XIRP2: variants seen among roughly 807,000 people sequenced by gnomAD.
The protein encoded by XIRP2 is xin actin binding repeat containing 2, also known as xin actin-binding repeat-containing protein 2.
A neutral mutation model predicts 277.0 loss-of-function variants in XIRP2; 236 were observed. That is an observed-to-expected ratio of 0.85 (90% confidence interval 0.77 to 0.95). XIRP2 has a LOEUF of 0.95. XIRP2 is among the 40% of genes least tolerant of loss of function. The pLI is 0.00. For missense variants in XIRP2, 4,640 were observed against 4,157.5 expected (o/e 1.12, Z -3.19); for synonymous variants, 1,490 against 1,416.5 (o/e 1.05, Z -1.17).
At chr2:166,988,149 CAT>C (rs1169934402) in intron 2 of XIRP2, among the ~76,000 whole-genome samples, 4 of 152,160 alleles carry the variant, frequency 2.6e-5, no homozygotes, top group East Asian at 1.9e-4. Flanking sequence ...AGTAATAAGA[CAT>C]GTGGATATCA....
At chr2:166,912,773 G>C (rs1229592268) in intron 2 of XIRP2, among the ~76,000 whole-genome samples, 2 of 152,206 alleles carry the variant, frequency 1.3e-5, no homozygotes, top group Non-Finnish European at 2.9e-5. Context: ...GTGACATACA[G>C]ATGGGGATTT....
At chr2:166,899,148 T>C (rs1684314578) in intron 1 of XIRP2, among the ~76,000 whole-genome samples, 1 of 152,164 alleles carries the variant, frequency 6.6e-6, no homozygotes, top group Admixed American at 6.6e-5. Context: ...GATTTAGCTA[T>C]AGTGTTTTGT....
At chr2:167,116,581 C>T (rs1359468918) in intron 2 of XIRP2, among the ~76,000 whole-genome samples, 2 of 152,132 alleles carry the variant, frequency 1.3e-5, no homozygotes, top group African/African-American at 4.8e-5. Context: ...TCAACTTTTC[C>T]ACATTCCCTT....
intron 2 of XIRP2, among the ~76,000 whole-genome samples, chr2:167,126,531 G>T (rs1461972872): frequency 6.6e-6 from 1 of 152,144 alleles, no homozygotes; most frequent in Non-Finnish European, 1.5e-5. Context: ...GGCATGATTT[G>T]TCCTTATTTT....
Position 167,140,524 on chromosome 2 carries a change from T to C in XIRP2, c.562+4462T>C, listed in dbSNP as rs115409494. 7.2e-3 allele frequency among the ~76,000 whole-genome samples: 1,099 copies of C among 152,280 alleles called. 15 individuals are homozygous for C. Among genetic ancestry groups the C allele is most frequent in the African/African-American group, 0.025 (1,039 of 41,564 alleles). On this transcript the variant is annotated intron_variant, in intron 3 of 10. Transcript: ENST00000409195. ...TTTGCTCTGCCTGAACTGTCCCCTC[T>C]AACGAGACTCAGAGGACAGGCTTTT...
intron 3 of XIRP2, among the ~76,000 whole-genome samples, chr2:167,183,496 AG>A (rs1363441115): frequency 3.9e-5 from 6 of 152,170 alleles, no homozygotes; most frequent in African/African-American, 1.4e-4. Flanking sequence ...CCAGATTAAA[AG>A]TTTTGTATTT....
intron 2 of XIRP2, among the ~76,000 whole-genome samples, chr2:167,074,646 G>A (rs1382143971): frequency 1.3e-5 from 2 of 151,966 alleles, no homozygotes; most frequent in East Asian, 3.9e-4. Flanking sequence ...GTGTGTGTGT[G>A]TGTGTGTTTG....
chr2:167,249,738 A>G lies in XIRP2; in HGVS notation c.8346A>G (p.Val2782=). Residue 2782 remains valine, a synonymous_variant, in exon 9 of 11, where the codon GTA becomes GTG. Transcript: ENST00000409195. Reference sequence around the variant, plus strand: ...CTAAGAAGGAGAAAAGAGTGACAGTACAATTGCCTACAGAATCCATACAGA... The same window carrying G: ...CTAAGAAGGAGAAAAGAGTGACAGTGCAATTGCCTACAGAATCCATACAGA... ...QLPKKEKRVT[V]QLPTESIQKN... The G allele has an allele frequency of 6.2e-7, 1 of 1,613,416 alleles. No homozygotes were observed. Among genetic ancestry groups the G allele is most frequent in the Non-Finnish European group, 8.5e-7 (1 of 1,179,734 alleles).
intron 3 of XIRP2, among the ~76,000 whole-genome samples, chr2:167,182,634 T>C (rs1261616427): frequency 1.3e-5 from 2 of 152,214 alleles, no homozygotes; most frequent in East Asian, 3.8e-4. Flanking sequence ...TTGCTGATTA[T>C]TAACTTTTGT....
intron 3 of XIRP2, among the ~76,000 whole-genome samples, chr2:167,174,389 A>G (rs551387160): frequency 2.0e-5 from 3 of 151,964 alleles, no homozygotes. Flanking sequence ...TAGATTTTTT[A>G]TTTGATTTGC....
intron 2 of XIRP2, among the ~76,000 whole-genome samples, chr2:166,913,924 C>G (rs957061391): frequency 6.6e-6 from 1 of 152,184 alleles, no homozygotes; most frequent in Non-Finnish European, 1.5e-5. Context: ...TAAGTGACTA[C>G]TCTGGTGATA....
chr2:167,034,325 A>G (rs2105509760), intron 2 of XIRP2, among the ~76,000 whole-genome samples: 1 of 152,230 alleles, frequency 6.6e-6, no homozygotes, highest in African/African-American at 2.4e-5. Context: ...CAAGATATTA[A>G]AACATACCAC....
intron 3 of XIRP2, among the ~76,000 whole-genome samples, chr2:167,205,240 T>G (rs976367021): frequency 6.6e-6 from 1 of 152,164 alleles, no homozygotes; most frequent in Non-Finnish European, 1.5e-5. Context: ...CCAACTATAC[T>G]GAAAGCCCTG....
chr2:166,921,336 A>G (rs1685033115), intron 2 of XIRP2, among the ~76,000 whole-genome samples: 1 of 152,066 alleles, frequency 6.6e-6, no homozygotes, highest in South Asian at 2.1e-4. Flanking sequence ...CCAGTAACAA[A>G]TGAGAATTCT....
At chr2:167,091,766 A>C (rs1330015654) in intron 2 of XIRP2, among the ~76,000 whole-genome samples, 3 of 152,106 alleles carry the variant, frequency 2.0e-5, no homozygotes, top group Non-Finnish European at 4.4e-5. Flanking sequence ...TTTCTACTTC[A>C]AGATGGAAGG....
At chr2:167,013,551 G>T (rs1383245585) in intron 2 of XIRP2, among the ~76,000 whole-genome samples, 5 of 151,312 alleles carry the variant, frequency 3.3e-5, no homozygotes, top group Non-Finnish European at 7.4e-5. Flanking sequence ...TATGCTAAAT[G>T]CATGGAGAAT....
chr2:166,987,895 G>A (rs1238552317), intron 2 of XIRP2, among the ~76,000 whole-genome samples: 1 of 152,156 alleles, frequency 6.6e-6, no homozygotes, highest in Non-Finnish European at 1.5e-5. Context: ...ACATGAATAA[G>A]AAATTGAATG....
chr2:167,227,329 T>C lies in XIRP2; in HGVS notation c.858+9029T>C, dbSNP rs575148143. The stretch of plus-strand genomic sequence containing the variant: ...GCCAAGCAAACAACCAATTTACTGA[T>C]ACTCTAATCCCAGGTAATTCCTTTG... On this transcript the variant is annotated intron_variant, in intron 5 of 10. Transcript: ENST00000409195. Among the ~76,000 whole-genome samples, 32 of 152,292 alleles carry C rather than the reference T, an allele frequency of 2.1e-4. No individual in the cohort carries two copies. In the South Asian group the frequency reaches 6.6e-3, roughly 32 times the overall value.
intron 2 of XIRP2, among the ~76,000 whole-genome samples, chr2:167,072,039 A>G (rs992096189): frequency 6.6e-6 from 1 of 152,198 alleles, no homozygotes; most frequent in African/African-American, 2.4e-5. Context: ...CATAAAGCAC[A>G]GTGTTAAAAA....
Sources: gnomAD v4.1 joint callset for allele counts (sites outside exome capture counted in the v4.1 genomes callset) on GRCh38, gnomAD v4.1.1 for gene constraint, MANE v1.5 for transcripts, NCBI Gene and HGNC (gene_info 2026-07-23, HGNC 2026-07-21) for gene names.